HGF: variants seen among roughly 807,000 people sequenced by gnomAD.
HGF encodes fibroblast-derived tumor cytotoxic factor.
Under a neutral mutation model 111.6 loss-of-function variants are expected in HGF, and 39 were observed. The ratio of observed to expected loss-of-function variants is 0.35; its 90% confidence interval spans 0.27 to 0.46. The LOEUF (loss-of-function observed/expected upper bound fraction) is 0.46. Ranked by LOEUF, HGF falls within the 20% of genes least tolerant of loss-of-function variation. The pLI is 1.00. For synonymous variants in HGF, 285 were observed against 294.8 expected, an observed-to-expected ratio of 0.97 and a Z score of 0.34; for missense variants, 735 against 910.5, an observed-to-expected ratio of 0.81 and a Z score of 2.48.
rs7789270 is a variant in HGF, at chr7:81,750,466, G to A, written c.625+1654C>T. 1.6e-3 allele frequency among the ~76,000 whole-genome samples: 250 copies of A among 152,194 alleles called. 2 individuals are homozygous for A. Among genetic ancestry groups the A allele is most frequent in the African/African-American group, 5.7e-3 (235 of 41,534 alleles). On this transcript the variant is annotated intron_variant, in intron 5 of 17. Transcript: ENST00000222390. ...ACGAGCAATGCCCTTTTCTAAGGGA[G>A]GTGTGATGATCTCAAATTATTAAAG...
At chr7:81,767,107 T>C (rs950787982) in intron 1 of HGF, among the ~76,000 whole-genome samples, 2 of 152,154 alleles carry the variant, frequency 1.3e-5, no homozygotes, top group Non-Finnish European at 1.5e-5. Context: ...ATCCATCTTT[T>C]CATATGGACT....
intron 9 of HGF, 48 bp downstream of exon 9, chr7:81,725,842 T>C (rs1226730493): frequency 6.2e-7 from 1 of 1,605,562 alleles, no homozygotes; most frequent in South Asian, 1.1e-5. Context: ...CCTTTAGGCA[T>C]TTCCCCTGAA....
chr7:81,712,295 G>C (rs1049638606), intron 11 of HGF, among the ~76,000 whole-genome samples: 1 of 151,944 alleles, frequency 6.6e-6, no homozygotes, highest in Non-Finnish European at 1.5e-5. Flanking sequence ...TTTTTTTTCT[G>C]AAAACTTTTA....
At chr7:81,747,154 C>T (rs1039561056) in intron 5 of HGF, among the ~76,000 whole-genome samples, 4 of 151,976 alleles carry the variant, frequency 2.6e-5, no homozygotes, top group Non-Finnish European at 2.9e-5. Context: ...CTGGCTAACA[C>T]GGTGAAACCC....
At chr7:81,710,126 C>T (rs1195752201) in intron 13 of HGF, 21 bp downstream of exon 13, 2 of 1,433,618 alleles carry the variant, frequency 1.4e-6, no homozygotes, top group Admixed American at 3.3e-5. Context: ...ATATGCATGA[C>T]TTGCATCTAT....
intron 5 of HGF, chr7:81,751,877 G>A (rs373236095): frequency 7.4e-7 from 1 of 1,345,142 alleles, no homozygotes. Context: ...TTTCCCCAGA[G>A]GGATGTCTCA....
At chr7:81,707,661 T>A (rs1422875348) in intron 13 of HGF, among the ~76,000 whole-genome samples, 2 of 152,162 alleles carry the variant, frequency 1.3e-5, no homozygotes, top group African/African-American at 2.4e-5. Context: ...TTCGTGTGTA[T>A]GTGCATCTAT....
chr7:81,764,537 T>C (rs1789261526), intron 1 of HGF, among the ~76,000 whole-genome samples: 1 of 152,174 alleles, frequency 6.6e-6, no homozygotes, highest in African/African-American at 2.4e-5. Flanking sequence ...ACTGGCAATC[T>C]TATTGACTTG....
intron 11 of HGF, among the ~76,000 whole-genome samples, chr7:81,712,006 A>G (rs1407844059): frequency 6.6e-6 from 1 of 152,220 alleles, no homozygotes; most frequent in African/African-American, 2.4e-5. Flanking sequence ...GAGTAATTAT[A>G]CATCACGTTT....
chr7:81,699,158 C>T lies in HGF; in HGVS notation c.*3423G>A, dbSNP rs1583906239. 1.3e-5 allele frequency: 2 copies of T among 151,490 alleles called. No individual in the cohort carries two copies. The highest frequency in any genetic ancestry group is 3.9e-4 in the East Asian group (2 of 5,150). 9.4% of individuals were successfully genotyped at this position (151,490 alleles called of 1,614,324 possible). A position where few individuals can be genotyped will look rare whatever the true frequency, so the allele number is the denominator to read the frequency against. ...TACAGCTATACCACTCAATAGGCAG[C>T]TTATTAATTTCCTATTTACATACAA... On this transcript the variant is annotated 3_prime_UTR_variant, in exon 18 of 18. Transcript: ENST00000222390.
chr7:81,766,222 G>A (rs955271652), intron 1 of HGF, among the ~76,000 whole-genome samples: 5 of 152,108 alleles, frequency 3.3e-5, no homozygotes, highest in African/African-American at 1.2e-4. Context: ...TCTTCTCTGT[G>A]TGGACTAACC....
chr7:81,718,401 T>G (rs1280866082), intron 10 of HGF, among the ~76,000 whole-genome samples: 1 of 152,186 alleles, frequency 6.6e-6, no homozygotes, highest in Admixed American at 6.5e-5. Flanking sequence ...GGAAAACTAA[T>G]TGGTGTAATG....
intron 7 of HGF, among the ~76,000 whole-genome samples, chr7:81,741,938 C>CAAAA (rs71520767): frequency 1.3e-3 from 61 of 46,152 alleles, no homozygotes; most frequent in African/African-American, 1.9e-3. Flanking sequence ...AACTCCATCT[C>CAAAA]AAAAAAAAAA....
chr7:81,710,070 A>G (rs1372950615), intron 13 of HGF, 77 bp downstream of exon 13: 2 of 1,006,130 alleles, frequency 2.0e-6, no homozygotes, highest in African/African-American at 1.6e-5. Context: ...TCAGGACCAC[A>G]TGTGTCCATA....
chr7:81,699,384 A>G lies in HGF; in HGVS notation c.*3197T>C, dbSNP rs1164129773. 2 of 151,612 alleles carry G rather than the reference A, an allele frequency of 1.3e-5. No individual in the cohort carries two copies. The highest frequency in any genetic ancestry group is 3.0e-5 in the Non-Finnish European group (2 of 67,658). 9.4% of individuals were successfully genotyped at this position (151,612 alleles called of 1,614,324 possible). A position where few individuals can be genotyped will look rare whatever the true frequency, so the allele number is the denominator to read the frequency against. ...GAATGATAACTTCTTTTTGGACTTT[A>G]TCATGACAAGTGATTTATTTTAAAA... is the stretch of plus-strand genomic sequence containing the variant. On this transcript the variant is annotated 3_prime_UTR_variant, in exon 18 of 18. Transcript: ENST00000222390.
In HGF at chr7:81,714,124, G is replaced by A. The variant is rs538517953; in HGVS notation, c.1406-2605C>T. 7.3e-5 allele frequency among the ~76,000 whole-genome samples: 11 copies of A among 151,300 alleles called. 1 individual carries two copies. Among genetic ancestry groups the A allele is most frequent in the Admixed American group, 2.0e-4 (3 of 15,164 alleles). ...CTTTAACTCAATTTCAAAAGTTTACGAACATCATGTATTTCTCCATGAAGA... is the reference window on the plus strand; with the variant it reads ...CTTTAACTCAATTTCAAAAGTTTACAAACATCATGTATTTCTCCATGAAGA... On this transcript the variant is annotated intron_variant, in intron 11 of 17. Coordinates refer to ENST00000222390, the MANE Select transcript of HGF (RefSeq NM_000601.6).
intron 4 of HGF, chr7:81,756,747 T>A (rs567090030): frequency 1.1e-5 from 2 of 184,966 alleles, no homozygotes; most frequent in East Asian, 3.0e-4. Flanking sequence ...CTAAGTAAGA[T>A]TCGTCAAGGG....
At chr7:81,766,972 A>T (rs1349766825) in intron 1 of HGF, among the ~76,000 whole-genome samples, 1 of 152,114 alleles carries the variant, frequency 6.6e-6, no homozygotes, top group African/African-American at 2.4e-5. Flanking sequence ...CATGCCCAAT[A>T]CTTCTGCCTC....
chr7:81,748,192 T>C lies in HGF; in HGVS notation c.626-3072A>G, dbSNP rs375307972. Reference sequence around the variant, plus strand: ...ACATATTCTAACTGGTTATACTTTATGATATACTGATAGCAATAACTTTAG... The same window carrying C: ...ACATATTCTAACTGGTTATACTTTACGATATACTGATAGCAATAACTTTAG... On this transcript the variant is annotated intron_variant, in intron 5 of 17. Coordinates refer to ENST00000222390, the MANE Select transcript of HGF (RefSeq NM_000601.6). 3.3e-5 allele frequency among the ~76,000 whole-genome samples: 5 copies of C among 152,318 alleles called. No individual in the cohort carries two copies. The East Asian group carries it at 7.7e-4, about 24-fold the overall frequency.
Sources: allele counts gnomAD v4.1 joint callset (sites outside exome capture counted in the v4.1 genomes callset), GRCh38; gene constraint gnomAD v4.1.1; transcripts MANE v1.5; gene names NCBI Gene and HGNC (gene_info 2026-07-23, HGNC 2026-07-21).